Variants in RADIL observed in about 807,000 individuals in gnomAD.
RADIL encodes ras-associating and dilute domain-containing protein.
Under a neutral mutation model 97.6 loss-of-function variants are expected in RADIL, and 99 were observed. The observed-to-expected ratio is 1.01, with a 90% CI of 0.86 to 1.20. The LOEUF (loss-of-function observed/expected upper bound fraction) is 1.20, where lower values mean the gene tolerates loss of function less well. Among genes scored for constraint, RADIL ranks in the 50% most tolerant of loss-of-function variants. The pLI, the probability that RADIL is intolerant of heterozygous loss-of-function variation, is 0.00. For missense variants in RADIL, 1,765 were observed against 1,498.9 expected (o/e 1.18, Z -2.93); for synonymous variants, 803 against 691.8 (o/e 1.16, Z -2.52).
At chr7:4,839,260 AG>A (rs1783383587) in intron 2 of RADIL, among the ~76,000 whole-genome samples, 2 of 152,358 alleles carry the variant, frequency 1.3e-5, no homozygotes, top group Admixed American at 1.3e-4. Context: ...ATTCAGGAGT[AG>A]GTTGTTTAAT....
Position 4,879,877 on chromosome 7 carries a change from G to C in RADIL, c.-64-1674C>G, listed in dbSNP as rs1215868805. On this transcript the variant is annotated intron_variant, in intron 1 of 14. Coordinates refer to ENST00000399583, the MANE Select transcript of RADIL (RefSeq NM_018059.5). This position sits in a 1 kb window ranked among gnomAD's most constrained non-coding sequence, Gnocchi z 4.1. ...TCACTGCCCGCCAGAGCTGTCATGG[G>C]TGAGTCCTGAAATCAGACCACCACT... is the stretch of plus-strand genomic sequence containing the variant. Among the ~76,000 whole-genome samples, 6 of 152,186 alleles carry C rather than the reference G, an allele frequency of 3.9e-5. No homozygotes were observed.
intron 2 of RADIL, among the ~76,000 whole-genome samples, chr7:4,855,967 T>C (rs1340233773): frequency 6.6e-6 from 1 of 152,106 alleles, no homozygotes; most frequent in East Asian, 1.9e-4. Context: ...AGCGAATTTT[T>C]GTATTTTTAG....
At position 4,815,631 on chromosome 7, in the gene RADIL, G is replaced by A. The variant is rs1162461537; in HGVS notation, c.1967-181C>T. ...ACTGACCAGCCTTGAACCCCTCTCT[G>A]GAGCGGGGGTACGGTGGGAGGTGAA... On this transcript the variant is annotated intron_variant, in intron 8 of 14. Transcript: ENST00000399583. This position sits in a 1 kb window ranked among gnomAD's most constrained non-coding sequence, Gnocchi z 8.0. Among the ~76,000 whole-genome samples, 1 of 152,190 alleles carries A rather than the reference G, an allele frequency of 6.6e-6. No homozygotes were observed. The highest frequency in any genetic ancestry group is 2.4e-5 in the African/African-American group (1 of 41,448).
rs116286923 is a variant in RADIL at position 4,814,854 on chromosome 7, G to A, written c.2139+424C>T. 0.023 allele frequency among the ~76,000 whole-genome samples: 3,576 copies of A among 152,282 alleles called. 139 individuals are homozygous for A. The highest frequency in any genetic ancestry group is 0.081 in the African/African-American group (3,375 of 41,534). ...AGCTGGGGTCACTCCAGCTTCTAGA[G>A]GCCACTGCACTCCTGTGCTCCTGGC... On this transcript the variant is annotated intron_variant, in intron 9 of 14. Transcript: ENST00000399583. The surrounding 1 kb of genome is among the most constrained non-coding windows in gnomAD (Gnocchi z 4.5).
At chr7:4,827,605 G>A (rs894856152) in intron 5 of RADIL, among the ~76,000 whole-genome samples, 3 of 152,182 alleles carry the variant, frequency 2.0e-5, no homozygotes, top group Non-Finnish European at 2.9e-5. Context: ...AGGTTGCAGT[G>A]AGCCGAGATC....
At chr7:4,847,815 T>A (rs907197610) in intron 2 of RADIL, among the ~76,000 whole-genome samples, 1 of 138,894 alleles carries the variant, frequency 7.2e-6, no homozygotes, top group Non-Finnish European at 1.5e-5. Flanking sequence ...AAAGCAAATG[T>A]ATAGAGCCAG....
chr7:4,830,922 G>A (rs1044588537), intron 5 of RADIL, among the ~76,000 whole-genome samples: 2 of 152,168 alleles, frequency 1.3e-5, no homozygotes, highest in East Asian at 3.9e-4. Context: ...TCGGGAGGCT[G>A]AGACAGGAGA....
intron 5 of RADIL, among the ~76,000 whole-genome samples, chr7:4,831,674 G>C (rs1050387201): frequency 6.7e-6 from 1 of 148,568 alleles, no homozygotes; most frequent in African/African-American, 2.5e-5. Flanking sequence ...GAGTTCAGTA[G>C]TTCGAGACCA....
At chr7:4,828,113 A>T (rs979110570) in intron 5 of RADIL, among the ~76,000 whole-genome samples, 6 of 152,326 alleles carry the variant, frequency 3.9e-5, no homozygotes, top group South Asian at 2.1e-4. Context: ...GTTGGTGGGG[A>T]TATAAATTAG....
At position 4,831,179 on chromosome 7, in the gene RADIL, G is replaced by A. The variant is rs534251283; in HGVS notation, c.1454+962C>T. Among the ~76,000 whole-genome samples, 71 of 146,022 alleles carry A rather than the reference G, an allele frequency of 4.9e-4. 1 individual carries two copies. The highest frequency in any genetic ancestry group is 6.6e-4 in the South Asian group (3 of 4,512). On this transcript the variant is annotated intron_variant, in intron 5 of 14. Coordinates refer to ENST00000399583, the MANE Select transcript of RADIL (RefSeq NM_018059.5). Reference sequence around the variant, plus strand: ...GCACTCTAGCCTGGGCAACAAGAGCGAAACCCCATCTCAAAAAAAGAAAAA... The same window carrying A: ...GCACTCTAGCCTGGGCAACAAGAGCAAAACCCCATCTCAAAAAAAGAAAAA...
At chr7:4,806,834 C>T (rs1456826327) in intron 9 of RADIL, among the ~76,000 whole-genome samples, 2 of 152,196 alleles carry the variant, frequency 1.3e-5, no homozygotes, top group African/African-American at 4.8e-5. Flanking sequence ...TCTGCAGGTG[C>T]TGTTTTGTCC....
At chr7:4,816,120 G>C in intron 8 of RADIL, 108 bp downstream of exon 8, 2 of 1,030,362 alleles carry the variant, frequency 1.9e-6, no homozygotes, top group Non-Finnish European at 2.9e-6. Context: ...GGGAGCAGGA[G>C]GCCAAAAAGG....
intron 9 of RADIL, among the ~76,000 whole-genome samples, chr7:4,808,297 C>G (rs775302595): frequency 4.6e-5 from 7 of 151,552 alleles, no homozygotes; most frequent in Non-Finnish European, 8.8e-5. Flanking sequence ...CTTTTTATTT[C>G]TGCTTCCACA....
chr7:4,865,626 C>T, intron 2 of RADIL: 2 of 852,490 alleles, frequency 2.3e-6, no homozygotes, highest in Non-Finnish European at 4.1e-6. Context: ...ATGGTCACCA[C>T]CCCTCCACCA....
chr7:4,863,327 G>A (rs769764628), intron 2 of RADIL, among the ~76,000 whole-genome samples: 4 of 152,000 alleles, frequency 2.6e-5, no homozygotes, highest in South Asian at 2.1e-4. Flanking sequence ...TACTTATTTA[G>A]TACTCTATAA....
In RADIL at chr7:4,842,524, G is replaced by A. The variant is rs904307371; in HGVS notation, c.536-5919C>T. Among the ~76,000 whole-genome samples, 23 of 152,178 alleles carry A rather than the reference G, an allele frequency of 1.5e-4. No individual in the cohort carries two copies. Among genetic ancestry groups the A allele is most frequent in the Admixed American group, 2.6e-4 (4 of 15,280 alleles). ...GAGGGCAGGGCTCTGCGTGCCGGGGGTGCACAGGGAAACTGGACAAGCAGC... is the reference window on the plus strand; with the variant it reads ...GAGGGCAGGGCTCTGCGTGCCGGGGATGCACAGGGAAACTGGACAAGCAGC... On this transcript the variant is annotated intron_variant, in intron 2 of 14. Transcript: ENST00000399583. The surrounding 1 kb of genome is among the most constrained non-coding windows in gnomAD (Gnocchi z 4.5).
In RADIL at chr7:4,834,819, G is replaced by T; in HGVS notation, c.1204C>A (p.Arg402Ser). Residue 402 changes from arginine to serine, a missense_variant, in exon 4 of 15, where the codon CGC (arginine) becomes AGC (serine). Transcript: ENST00000399583. This position sits in a 1 kb window ranked among gnomAD's most constrained non-coding sequence, Gnocchi z 6.0. ...TCAAACTCCAGGAGCAGCTGCTGGC[G>T]CCGGGGCAGGGCGGCCTGAGTAGGG... ...ASPTQAALPR[R>S]QQLLLEFEPH... The T allele has an allele frequency of 7.6e-7, 1 of 1,317,988 alleles. No individual in the cohort carries two copies. Among genetic ancestry groups the T allele is most frequent in the Non-Finnish European group, 9.7e-7 (1 of 1,030,032 alleles). 81.6% of individuals were successfully genotyped at this position (1,317,988 alleles called of 1,614,324 possible). A position where few individuals can be genotyped will look rare whatever the true frequency, so the allele number is the denominator to read the frequency against.
intron 2 of RADIL, chr7:4,860,151 C>T: frequency 2.5e-6 from 4 of 1,613,952 alleles, no homozygotes; most frequent in Non-Finnish European, 2.5e-6. Flanking sequence ...CTGTTTCTAC[C>T]CTGAGAACTG....
At chr7:4,810,145 G>A (rs1583270903) in intron 9 of RADIL, among the ~76,000 whole-genome samples, 1 of 150,382 alleles carries the variant, frequency 6.6e-6, no homozygotes, top group South Asian at 2.1e-4. Flanking sequence ...CAGCCACCAT[G>A]CCCGGCCTTA....
Sources: gnomAD v4.1 joint callset for allele counts (sites outside exome capture counted in the v4.1 genomes callset) on GRCh38, gnomAD v4.1.1 for gene constraint, Gnocchi (gnomAD v3.1) non-coding constraint, MANE v1.5 for transcripts, NCBI Gene and HGNC (gene_info 2026-07-23, HGNC 2026-07-21) for gene names.